Variants in NR2C1 observed in about 807,000 individuals in gnomAD.
NR2C1 encodes nuclear receptor subfamily 2 group C member 1.
Under a neutral mutation model 74.8 loss-of-function variants are expected in NR2C1, and 33 were observed. The observed-to-expected ratio is 0.44, with a 90% CI of 0.33 to 0.59. The LOEUF (loss-of-function observed/expected upper bound fraction) is 0.59, where lower values mean the gene tolerates loss of function less well. Ranked by LOEUF, NR2C1 falls within the 20% of genes least tolerant of loss-of-function variation. The pLI is 0.02. For missense variants in NR2C1, 568 were observed against 715.6 expected (o/e 0.79, Z 2.35); for synonymous variants, 225 against 240.6 (o/e 0.94, Z 0.60).
At chr12:95,043,756 A>G (rs567038797) in intron 9 of NR2C1, among the ~76,000 whole-genome samples, 1 of 152,226 alleles carries the variant, frequency 6.6e-6, no homozygotes, top group South Asian at 2.1e-4. Context: ...AATACTTGTA[A>G]TGTGTAAACA....
intron 13 of NR2C1, among the ~76,000 whole-genome samples, chr12:95,023,906 C>A (rs1869043004): frequency 6.6e-6 from 1 of 152,118 alleles, no homozygotes; most frequent in Admixed American, 6.6e-5. Context: ...ACCACCTTTT[C>A]AAAAAGACTG....
Position 95,042,457 on chromosome 12 carries a change from C to A in NR2C1, c.1132-1860G>T, listed in dbSNP as rs899996708. ...CAAACTCCTGACCTCAGGTGATCCG[C>A]CCGCCTGGGCCTCCTAAAGTGCTAG... On this transcript the variant is annotated intron_variant, in intron 9 of 13. Transcript: ENST00000333003. Among the ~76,000 whole-genome samples the A allele has an allele frequency of 1.6e-3, 242 of 152,136 alleles. 1 individual carries two copies. Among genetic ancestry groups the A allele is most frequent in the African/African-American group, 5.7e-3 (235 of 41,490 alleles).
chr12:95,051,400 A>G (rs1872985258), intron 8 of NR2C1, among the ~76,000 whole-genome samples: 1 of 152,246 alleles, frequency 6.6e-6, no homozygotes, highest in Non-Finnish European at 1.5e-5. Flanking sequence ...AAAATGGCAC[A>G]TGTACAGGCC....
At chr12:95,064,103 G>T (rs917321625) in intron 2 of NR2C1, among the ~76,000 whole-genome samples, 4 of 150,960 alleles carry the variant, frequency 2.6e-5, no homozygotes. Context: ...GCCGAGGCGG[G>T]CAACTCATGA....
intron 8 of NR2C1, among the ~76,000 whole-genome samples, chr12:95,050,593 G>GC: frequency 6.6e-6 from 1 of 151,924 alleles, no homozygotes; most frequent in East Asian, 1.9e-4. Context: ...ACAGGCATAC[G>GC]CCACCGTGCC....
In NR2C1 at chr12:95,040,389, T is replaced by G. The variant is rs555692554; in HGVS notation, c.1253+87A>C. The G allele has an allele frequency of 1.6e-5, 21 of 1,329,150 alleles. No homozygotes were observed. In the African/African-American group the frequency reaches 2.8e-4, roughly 18 times the overall value. The allele number at this position is 1,329,150 out of a possible 1,614,324, so 82.3% of individuals were successfully genotyped here. On this transcript the variant is annotated intron_variant, in intron 10 of 13. Coordinates refer to ENST00000333003, the MANE Select transcript of NR2C1 (RefSeq NM_003297.4). ...AATGTTATACTGTTTTTTCCTTTAA[T>G]GCAAATCTTCCCAAAATAAAAAGTT...
At chr12:95,041,379 G>A (rs1379370165) in intron 9 of NR2C1, among the ~76,000 whole-genome samples, 1 of 152,190 alleles carries the variant, frequency 6.6e-6, no homozygotes, top group African/African-American at 2.4e-5. Flanking sequence ...CTACCCGGGA[G>A]GCTGAGGCAG....
In NR2C1 at chr12:95,063,336, T is replaced by C. The variant is rs965579025; in HGVS notation, c.55-598A>G. On this transcript the variant is annotated intron_variant, in intron 2 of 13. Transcript: ENST00000333003. ...AGTAGGTCCCAGGGCAGGAGGGAGG[T>C]GTTTGACACATGTGAGGCACAAGGC... Among the ~76,000 whole-genome samples the C allele has an allele frequency of 2.0e-5, 3 of 151,654 alleles. No individual in the cohort carries two copies. In the East Asian group the frequency reaches 5.8e-4, roughly 29 times the overall value.
intron 10 of NR2C1, among the ~76,000 whole-genome samples, chr12:95,039,083 C>CAAAA (rs1565844723): frequency 6.6e-6 from 1 of 151,808 alleles, no homozygotes; most frequent in Non-Finnish European, 1.5e-5. Context: ...CAAAAAAAAC[C>CAAAA]CCAGAAAACT....
intron 2 of NR2C1, among the ~76,000 whole-genome samples, chr12:95,064,910 A>G (rs1038857498): frequency 2.6e-5 from 4 of 152,206 alleles, no homozygotes; most frequent in African/African-American, 9.6e-5. Flanking sequence ...CTGATTCACT[A>G]ATCAGTTTAT....
intron 11 of NR2C1, chr12:95,030,606 C>T: frequency 6.2e-7 from 1 of 1,613,206 alleles, no homozygotes; most frequent in Non-Finnish European, 8.5e-7. Context: ...TTTTTGATGA[C>T]ATTTTAAGGT....
At chr12:95,030,651 C>T in intron 11 of NR2C1, 3 of 1,610,182 alleles carry the variant, frequency 1.9e-6, no homozygotes, top group Non-Finnish European at 2.5e-6. Flanking sequence ...AAGGAGGAAG[C>T]AAATGATTTA....
chr12:95,051,983 C>T (rs1000043150), intron 7 of NR2C1, 40 bp from the exon 8 acceptor site: 4 of 1,371,200 alleles, frequency 2.9e-6, no homozygotes, highest in Non-Finnish European at 3.0e-6. Context: ...GAATTGGTAT[C>T]ACTATTTTTT....
At chr12:95,038,965 T>C (rs1022380141) in intron 10 of NR2C1, among the ~76,000 whole-genome samples, 11 of 152,142 alleles carry the variant, frequency 7.2e-5, no homozygotes, top group Non-Finnish European at 1.6e-4. Flanking sequence ...CACTGGACGT[T>C]GGGCGAGGTG....
At chr12:95,029,723 AT>A (rs538653968) in intron 11 of NR2C1, among the ~76,000 whole-genome samples, 1 of 151,456 alleles carries the variant, frequency 6.6e-6, no homozygotes, top group African/African-American at 2.4e-5. Flanking sequence ...CGCCTGGCTA[AT>A]TTTTTTGTAT....
rs143247756 is a variant in NR2C1 at position 95,067,647 on chromosome 12, T to C, written c.-7-256A>G. 9.2e-4 allele frequency among the ~76,000 whole-genome samples: 139 copies of C among 151,612 alleles called. 1 individual carries two copies. Among genetic ancestry groups the C allele is most frequent in the African/African-American group, 3.0e-3 (125 of 41,370 alleles). ...GGCACCATCACGGCTCACTGCAGTC[T>C]CAACCTCCTGGGCTCAAGTGATCCT... On this transcript the variant is annotated intron_variant, in intron 1 of 13. Coordinates refer to ENST00000333003, the MANE Select transcript of NR2C1 (RefSeq NM_003297.4).
At position 95,021,347 on chromosome 12, in the gene NR2C1, T is replaced by A. The variant is rs1007126295; in HGVS notation, c.*882A>T. The A allele has an allele frequency of 6.6e-6, 1 of 151,786 alleles. No homozygotes were observed. The highest frequency in any genetic ancestry group is 1.5e-5 in the Non-Finnish European group (1 of 67,928). 9.4% of individuals were successfully genotyped at this position (151,786 alleles called of 1,614,324 possible). A position where few individuals can be genotyped will look rare whatever the true frequency, so the allele number is the denominator to read the frequency against. Reference sequence around the variant, plus strand: ...GCCACTACACCTGGCTAGTCTCTATTATTTTCAAAGACAGCAGTAGGCCAG... The same window carrying A: ...GCCACTACACCTGGCTAGTCTCTATAATTTTCAAAGACAGCAGTAGGCCAG... On this transcript the variant is annotated 3_prime_UTR_variant, in exon 14 of 14. Transcript: ENST00000333003.
intron 10 of NR2C1, among the ~76,000 whole-genome samples, chr12:95,033,148 C>CAAA (rs200022502): frequency 1.2e-5 from 1 of 84,080 alleles, no homozygotes. Flanking sequence ...GACCCTGTCT[C>CAAA]AAAAAAAAAA....
chr12:95,044,241 T>C (rs1435144741), intron 9 of NR2C1, among the ~76,000 whole-genome samples: 1 of 152,120 alleles, frequency 6.6e-6, no homozygotes, highest in Non-Finnish European at 1.5e-5. Context: ...AGTTTCTGTA[T>C]TGAAATCTTA....
Sources: gnomAD v4.1 joint callset for allele counts (sites outside exome capture counted in the v4.1 genomes callset) on GRCh38, gnomAD v4.1.1 for gene constraint, MANE v1.5 for transcripts, NCBI Gene and HGNC (gene_info 2026-07-23, HGNC 2026-07-21) for gene names.